The following TRPM8 variants were observed in gnomAD, a reference collection of about 807,000 sequenced individuals.
TRPM8 encodes TRPM8 cationic channel.
In TRPM8, 110 loss-of-function variants were observed where a neutral mutation model predicts 133.7. The observed-to-expected ratio is 0.82, with a 90% confidence interval of 0.70 to 0.96. TRPM8 has a LOEUF of 0.96. Ranked by LOEUF, TRPM8 falls within the 40% of genes least tolerant of loss-of-function variation. TRPM8 has a pLI of 0.00. For missense variants in TRPM8, 1,291 were observed against 1,379.5 expected (o/e 0.94, Z 1.02); for synonymous variants, 535 against 532.3 (o/e 1.01, Z -0.07).
intron 1 of TRPM8, among the ~76,000 whole-genome samples, chr2:233,920,918 G>C (rs1026069524): frequency 1.3e-5 from 2 of 148,594 alleles, no homozygotes; most frequent in African/African-American, 5.0e-5. Flanking sequence ...GTGCAATGGT[G>C]TGATCTTGGC....
chr2:233,980,344 G>T, intron 18 of TRPM8, 65 bp downstream of exon 18: 6 of 1,122,668 alleles, frequency 5.3e-6, no homozygotes, highest in African/African-American at 1.6e-5. Flanking sequence ...GAAAAGCTCT[G>T]CAGACATTTC....
chr2:234,015,620 G>A (rs1692939261), intron 25 of TRPM8, among the ~76,000 whole-genome samples: 1 of 152,062 alleles, frequency 6.6e-6, no homozygotes. Flanking sequence ...AATCTTTCTG[G>A]TCTCAGAGTT....
chr2:233,982,269 G>C (rs1313204038), intron 19 of TRPM8, among the ~76,000 whole-genome samples: 1 of 152,204 alleles, frequency 6.6e-6, no homozygotes, highest in African/African-American at 2.4e-5. Flanking sequence ...CCAAGGAGGA[G>C]TGTTTGTCTA....
Position 233,921,681 on chromosome 2 carries a change from T to TTC in TRPM8, c.-6+4250_-6+4251insCT, listed in dbSNP as rs1553652788. On this transcript the variant is annotated intron_variant, in intron 1 of 25. Coordinates refer to ENST00000324695, the MANE Select transcript of TRPM8 (RefSeq NM_024080.5). ...TTTTTCTTTTTCTTTTCTTTTCTTT[T>TTC]TTTTTTTTTTTTTGAGATGGAGTCT... Among the ~76,000 whole-genome samples, 11 of 143,310 alleles carry TTC rather than the reference T, an allele frequency of 7.7e-5. 1 individual carries two copies. Among genetic ancestry groups the TTC allele is most frequent in the Admixed American group, 7.6e-4 (11 of 14,496 alleles). 94.0% of individuals were successfully genotyped at this position (143,310 alleles called of 152,430 possible).
At chr2:234,006,336 C>T (rs1298479549) in intron 22 of TRPM8, among the ~76,000 whole-genome samples, 1 of 152,144 alleles carries the variant, frequency 6.6e-6, no homozygotes, top group Non-Finnish European at 1.5e-5. Context: ...ACGGCATGCC[C>T]TATCTTAGGT....
At position 233,983,333 on chromosome 2, in the gene TRPM8, C is replaced by T. The variant is rs114456097; in HGVS notation, c.2761+109C>T. 1,060 of 1,240,974 alleles carry T rather than the reference C, an allele frequency of 8.5e-4. 14 individuals carry two copies. The African/African-American group carries it at 0.012, about 14-fold the overall frequency. The allele number at this position is 1,240,974 out of a possible 1,614,324, so 76.9% of individuals were successfully genotyped here. Reference sequence around the variant, plus strand: ...GCACTTCAGAAGCACGCGCGTGAAACGGAGTCCAACATAACAGAGTAAAAA... The same window carrying T: ...GCACTTCAGAAGCACGCGCGTGAAATGGAGTCCAACATAACAGAGTAAAAA... On this transcript the variant is annotated intron_variant, in intron 20 of 25. Transcript: ENST00000324695.
chr2:233,988,637 C>T lies in TRPM8; in HGVS notation c.2939+2772C>T, dbSNP rs551366736. On this transcript the variant is annotated intron_variant, in intron 21 of 25. Transcript: ENST00000324695. ...GTAAAGGTTTAACATCTGCTCTGTG[C>T]CAGGTGCCTGGGCCATGAAGATTAT... Among the ~76,000 whole-genome samples, 17 of 152,252 alleles carry T rather than the reference C, an allele frequency of 1.1e-4. 1 individual carries two copies. Among genetic ancestry groups the T allele is most frequent in the Admixed American group, 9.8e-4 (15 of 15,292 alleles).
intron 9 of TRPM8, among the ~76,000 whole-genome samples, chr2:233,952,468 G>A (rs1691192146): frequency 6.6e-6 from 1 of 151,870 alleles, no homozygotes; most frequent in Non-Finnish European, 1.5e-5. Flanking sequence ...GTGGGGGCTG[G>A]GGTTGTGGTG....
At chr2:233,979,160 G>A (rs1394781170) in intron 17 of TRPM8, among the ~76,000 whole-genome samples, 1 of 152,124 alleles carries the variant, frequency 6.6e-6, no homozygotes, top group Non-Finnish European at 1.5e-5. Flanking sequence ...ACATTAAGAA[G>A]TGCCCTCTTG....
chr2:233,917,722 G>A (rs1691330776), intron 1 of TRPM8, among the ~76,000 whole-genome samples: 2 of 152,162 alleles, frequency 1.3e-5, no homozygotes, highest in African/African-American at 2.4e-5. Flanking sequence ...CTGATTGAAG[G>A]AGTTAGAAAC....
intron 10 of TRPM8, chr2:233,954,922 T>G: frequency 2.0e-6 from 1 of 489,978 alleles, no homozygotes; most frequent in Non-Finnish European, 3.7e-6. Context: ...TACTGTAGCC[T>G]GAGTTGATCC....
chr2:233,948,755 G>A (rs28901648), intron 8 of TRPM8, among the ~76,000 whole-genome samples: 3,529 of 152,256 alleles, frequency 0.023, 226 homozygotes, highest in East Asian at 0.22. Flanking sequence ...AGCCAGGGCC[G>A]GGCACAGTGG....
rs898517132 is a variant in TRPM8 at position 233,926,456 on chromosome 2, G to A, written c.-5-77G>A. ...AAAGGGGAGAGGGTGGAGGGAAAAC[G>A]GCATTGGGGTGAAGCTTTGAAGGAA... is the stretch of plus-strand genomic sequence containing the variant. On this transcript the variant is annotated intron_variant, in intron 1 of 25. Coordinates refer to ENST00000324695, the MANE Select transcript of TRPM8 (RefSeq NM_024080.5). 164 of 1,079,086 alleles carry A rather than the reference G, an allele frequency of 1.5e-4. No individual in the cohort carries two copies. The African/African-American group carries it at 2.0e-3, about 13-fold the overall frequency. 66.8% of individuals were successfully genotyped at this position (1,079,086 alleles called of 1,614,324 possible). A position where few individuals can be genotyped will look rare whatever the true frequency, so the allele number is the denominator to read the frequency against.
intron 24 of TRPM8, among the ~76,000 whole-genome samples, chr2:234,008,400 G>C (rs1418561331): frequency 6.6e-6 from 1 of 152,182 alleles, no homozygotes; most frequent in Non-Finnish European, 1.5e-5. Context: ...TACAATTATA[G>C]GGAACATAAG....
chr2:233,946,122 G>T (rs888622743), intron 7 of TRPM8, 92 bp downstream of exon 7: 2 of 1,222,538 alleles, frequency 1.6e-6, no homozygotes, highest in African/African-American at 1.5e-5. Flanking sequence ...TGAGTGATGC[G>T]TGAGAAACAC....
At chr2:233,992,922 A>G (rs1225327324) in intron 21 of TRPM8, among the ~76,000 whole-genome samples, 4 of 152,168 alleles carry the variant, frequency 2.6e-5, no homozygotes, top group African/African-American at 4.8e-5. Flanking sequence ...ATTTGAAAAC[A>G]ATGTCTACAG....
intron 17 of TRPM8, among the ~76,000 whole-genome samples, chr2:233,972,858 C>T (rs1285604888): frequency 1.3e-5 from 2 of 152,234 alleles, no homozygotes; most frequent in Non-Finnish European, 2.9e-5. Flanking sequence ...TCCTTCCACA[C>T]TTCCCTGCAA....
intron 1 of TRPM8, among the ~76,000 whole-genome samples, chr2:233,923,675 G>A (rs1228744622): frequency 2.0e-5 from 3 of 152,190 alleles, no homozygotes; most frequent in East Asian, 3.8e-4. Context: ...AAGTAAGGAC[G>A]ACTGTCAATT....
In TRPM8 at chr2:233,950,145, G is replaced by A; in HGVS notation, c.1139G>A (p.Trp380Ter). 6.2e-7 allele frequency: 1 copy of A among 1,612,000 alleles called. No individual in the cohort carries two copies. Among genetic ancestry groups the A allele is most frequent in the Non-Finnish European group, 8.5e-7 (1 of 1,179,742 alleles). ...PEEETESWIKWLKEILECSHL... is the reference protein window; with the variant it reads ...PEEETESWIK ...GAGGAGACTGAGAGTTGGATCAAAT[G>A]GGTAAGTTGTCGGGACCATGTCTGA... Residue 380 changes from tryptophan (W) to a stop codon, truncating the protein, a stop_gained and splice_region_variant, in exon 9 of 26, where the codon TGG (tryptophan) becomes TAG (stop). Coordinates refer to ENST00000324695, the MANE Select transcript of TRPM8 (RefSeq NM_024080.5). LOFTEE classifies it high-confidence loss of function.
Sources: gnomAD v4.1 joint callset for allele counts (sites outside exome capture counted in the v4.1 genomes callset) on GRCh38, gnomAD v4.1.1 for gene constraint, MANE v1.5 for transcripts, NCBI Gene and HGNC (gene_info 2026-07-23, HGNC 2026-07-21) for gene names.